RORC: variants seen among roughly 807,000 people sequenced by gnomAD.
RORC encodes RAR related orphan receptor C.
Under a neutral mutation model 64.5 loss-of-function variants are expected in RORC, and 13 were observed. The ratio of observed to expected loss-of-function variants is 0.20; its 90% CI spans 0.13 to 0.32. The LOEUF is 0.32. RORC is among the 10% of genes least tolerant of loss of function. The pLI, the probability that RORC is intolerant of heterozygous loss-of-function variation, is 1.00. For synonymous variants in RORC, 277 were observed against 259.3 expected (o/e 1.07, Z -0.65); for missense variants, 468 against 669.5 (o/e 0.70, Z 3.32).
chr1:151,829,357 C>G, intron 2 of RORC, 72 bp downstream of exon 2: 2 of 1,422,090 alleles, frequency 1.4e-6, no homozygotes, highest in South Asian at 1.3e-5. Flanking sequence ...AGTCCCCCCA[C>G]AGATCACTTG....
rs774691650 is a variant in RORC at position 151,813,005 on chromosome 1, G to C, written c.1227C>G (p.Ala409=). ...SIFDFSHSLS[A]LHFSEDEIAL... is the part of the protein sequence containing the mutation. ...CAATCTCATCCTCGGAAAAGTGCAA[G>C]GCACTTAGGGAGTGGGAGAAGTCAA... The change falls in exon 9 of 11, where the codon GCC becomes GCG. Residue 409 remains alanine (A), a synonymous_variant. Coordinates refer to ENST00000318247, the MANE Select transcript of RORC (RefSeq NM_005060.4). 3 of 1,614,030 alleles carry C rather than the reference G, an allele frequency of 1.9e-6. No individual in the cohort carries two copies. Among genetic ancestry groups the C allele is most frequent in the Non-Finnish European group, 2.5e-6 (3 of 1,179,890 alleles).
intron 8 of RORC, 64 bp downstream of exon 8, chr1:151,813,175 G>T: frequency 6.5e-7 from 1 of 1,528,558 alleles, no homozygotes; most frequent in Non-Finnish European, 9.1e-7. Flanking sequence ...GGGTGCCCTG[G>T]GTCACAAAGC....
intron 2 of RORC, among the ~76,000 whole-genome samples, chr1:151,818,814 G>A (rs1651872088): frequency 6.6e-6 from 1 of 152,172 alleles, no homozygotes; most frequent in Non-Finnish European, 1.5e-5. Context: ...CCAGTCCCTG[G>A]CCTGGACACT....
At chr1:151,808,015 C>T (rs1651380150) in intron 10 of RORC, among the ~76,000 whole-genome samples, 1 of 152,190 alleles carries the variant, frequency 6.6e-6, no homozygotes, top group Admixed American at 6.5e-5. Context: ...CATTACTAAT[C>T]CTTACCCTCT....
rs569975614 is a variant in RORC, at chr1:151,829,870, T to C, written c.41-412A>G. 1.3e-3 allele frequency among the ~76,000 whole-genome samples: 203 copies of C among 152,366 alleles called. 6 individuals carry two copies. The South Asian group carries it at 0.04, about 30-fold the overall frequency. On this transcript the variant is annotated intron_variant, in intron 1 of 10. Coordinates refer to ENST00000318247, the MANE Select transcript of RORC (RefSeq NM_005060.4). ...GCATTTTATTTCCTGGCACTCACCA[T>C]GTCACCAACTGTCACCTAACTGCTG...
chr1:151,820,124 G>A (rs1410570529), intron 2 of RORC, among the ~76,000 whole-genome samples: 1 of 152,014 alleles, frequency 6.6e-6, no homozygotes, highest in African/African-American at 2.4e-5. Context: ...AGGCCCTCTA[G>A]TCCTGCTCCC....
intron 2 of RORC, among the ~76,000 whole-genome samples, chr1:151,822,024 T>A (rs1328672910): frequency 6.6e-6 from 1 of 151,348 alleles, no homozygotes; most frequent in Non-Finnish European, 1.5e-5. Flanking sequence ...CCCTTTAGGG[T>A]ATAGACTAGG....
At chr1:151,826,154 C>A in intron 2 of RORC, 3 of 1,215,526 alleles carry the variant, frequency 2.5e-6, no homozygotes. Context: ...CACCCCACCC[C>A]CAAGGGGTGC....
intron 2 of RORC, among the ~76,000 whole-genome samples, chr1:151,824,329 C>G (rs959277870): frequency 6.6e-6 from 1 of 152,166 alleles, no homozygotes; most frequent in African/African-American, 2.4e-5. Flanking sequence ...TAATGGAGAG[C>G]TGGCCAAGTG....
rs576262787 is a variant in RORC at position 151,807,859 on chromosome 1, C to T, written c.1396-226G>A. On this transcript the variant is annotated intron_variant, in intron 10 of 10. Transcript: ENST00000318247. This position sits in a 1 kb window ranked among gnomAD's most constrained non-coding sequence, Gnocchi z 5.0. Reference sequence around the variant, plus strand: ...CAGGTGAATGTTTTCTGGGTGAAGCCCTCAATTTATGTTCCCAATACTTCT... The same window carrying T: ...CAGGTGAATGTTTTCTGGGTGAAGCTCTCAATTTATGTTCCCAATACTTCT... Among the ~76,000 whole-genome samples, 12 of 152,234 alleles carry T rather than the reference C, an allele frequency of 7.9e-5. No homozygotes were observed. The South Asian group carries it at 1.0e-3, about 13-fold the overall frequency.
intron 4 of RORC, among the ~76,000 whole-genome samples, chr1:151,815,672 A>G (rs1295270243): frequency 6.6e-6 from 1 of 152,206 alleles, no homozygotes; most frequent in East Asian, 1.9e-4. Flanking sequence ...GTTCTAAATC[A>G]GATTTGAATC....
intron 1 of RORC, among the ~76,000 whole-genome samples, chr1:151,831,289 G>A (rs897560459): frequency 1.1e-4 from 16 of 152,122 alleles, no homozygotes; most frequent in Non-Finnish European, 1.9e-4. Context: ...TGAACAGAAG[G>A]TGGAGCAGCC....
chr1:151,827,108 ACT>A (rs1380774542), intron 2 of RORC, among the ~76,000 whole-genome samples: 18 of 152,170 alleles, frequency 1.2e-4, no homozygotes, highest in South Asian at 4.1e-4. Flanking sequence ...ACTGAGTAAG[ACT>A]CTGTCTCAAA....
intron 7 of RORC, 49 bp downstream of exon 7, chr1:151,813,439 C>G (rs1334569750): frequency 6.2e-7 from 1 of 1,612,364 alleles, no homozygotes; most frequent in Non-Finnish European, 8.5e-7. Flanking sequence ...CCTCCCTCCA[C>G]TTGGCTCTGT....
chr1:151,831,195 A>C (rs186901315), intron 1 of RORC: 1 of 1,112,376 alleles, frequency 9.0e-7, no homozygotes, highest in African/African-American at 1.6e-5. Context: ...CTACGTGGTC[A>C]TGGGCAGCTG....
At chr1:151,829,216 GTGTTT>G (rs1652314128) in intron 2 of RORC, among the ~76,000 whole-genome samples, 1 of 150,788 alleles carries the variant, frequency 6.6e-6, no homozygotes, top group Non-Finnish European at 1.5e-5. Context: ...TTTCTTTACA[GTGTTT>G]CCTTTCATGC....
chr1:151,824,896 G>C (rs890082439), intron 2 of RORC, among the ~76,000 whole-genome samples: 1 of 152,206 alleles, frequency 6.6e-6, no homozygotes, highest in African/African-American at 2.4e-5. Flanking sequence ...TCAGTCCAGG[G>C]GTCTTTCCAG....
rs1651616008 is a variant in RORC, at chr1:151,813,363, G to C, written c.1067-17C>G. On this transcript the variant is annotated splice_polypyrimidine_tract_variant and intron_variant, in intron 7 of 10. Transcript: ENST00000318247. Reference sequence around the variant, plus strand: ...CCATTGCTCCTGGGCAGTGGGGAGAGAAGATGCAGGGACAGTGTCAAGCAA... The same window carrying C: ...CCATTGCTCCTGGGCAGTGGGGAGACAAGATGCAGGGACAGTGTCAAGCAA... 3 of 1,611,978 alleles carry C rather than the reference G, an allele frequency of 1.9e-6. No homozygotes were observed. The African/African-American group carries it at 4.0e-5, about 22-fold the overall frequency.
chr1:151,829,387 A>T, intron 2 of RORC, 42 bp downstream of exon 2: 1 of 1,528,132 alleles, frequency 6.5e-7, no homozygotes, highest in Non-Finnish European at 8.8e-7. Context: ...TCTCCATCTC[A>T]TTATGCCCCA....
Sources: gnomAD v4.1 joint callset for allele counts (sites outside exome capture counted in the v4.1 genomes callset) on GRCh38, gnomAD v4.1.1 for gene constraint, Gnocchi (gnomAD v3.1) non-coding constraint, MANE v1.5 for transcripts, NCBI Gene and HGNC (gene_info 2026-07-23, HGNC 2026-07-21) for gene names.